The following TOM1L2 variants were observed in gnomAD, a reference collection of about 807,000 sequenced individuals.
TOM1L2 encodes TOM1-like protein 2.
TOM1L2 carries 31 observed loss-of-function variants against 67.9 expected under a neutral mutation model. The ratio of observed to expected loss-of-function variants is 0.46; its 90% CI spans 0.34 to 0.62. The LOEUF (loss-of-function observed/expected upper bound fraction) is 0.62, where lower values mean the gene tolerates loss of function less well. TOM1L2 is among the 20% of genes least tolerant of loss of function. The probability of loss-of-function intolerance (pLI) is 0.01; values close to 1 mark genes in which losing one functional copy is unlikely to be tolerated. For missense variants in TOM1L2, 606 were observed against 663.5 expected, an observed-to-expected ratio of 0.91 and a Z score of 0.95; for synonymous variants, 256 against 254.0, an observed-to-expected ratio of 1.01 and a Z score of -0.07.
chr17:17,938,766 G>GT (rs372811565), intron 1 of TOM1L2, among the ~76,000 whole-genome samples: 66,938 of 144,818 alleles, frequency 0.46, 16,032 homozygotes, highest in East Asian at 0.8. Flanking sequence ...GGTTGAAAGG[G>GT]TTTTTTTTTT....
chr17:17,945,308 TCTC>T (rs1379024148), intron 1 of TOM1L2, among the ~76,000 whole-genome samples: 2 of 151,950 alleles, frequency 1.3e-5, no homozygotes, highest in Non-Finnish European at 2.9e-5. Context: ...TCTCTCTCTC[TCTC>T]ATTCCTTGAT....
At chr17:17,902,108 G>A (rs530588771) in intron 2 of TOM1L2, among the ~76,000 whole-genome samples, 1 of 152,240 alleles carries the variant, frequency 6.6e-6, no homozygotes, top group South Asian at 2.1e-4. Context: ...CCTGGGAGGC[G>A]GTGGTTGTGG....
rs191535481 is a variant in TOM1L2 at position 17,955,001 on chromosome 17, T to C, written c.52+17261A>G. On this transcript the variant is annotated intron_variant, in intron 1 of 14. Transcript: ENST00000379504. ...CTGTTGCTCACCCTAGAGCAATGTC[T>C]TTATGTTCAAAAAGCATTTATGGAA... 4.4e-3 allele frequency among the ~76,000 whole-genome samples: 671 copies of C among 152,320 alleles called. 3 individuals carry two copies. Among genetic ancestry groups the C allele is most frequent in the Non-Finnish European group, 6.0e-3 (409 of 68,018 alleles).
chr17:17,929,184 G>A (rs145828753), intron 1 of TOM1L2, among the ~76,000 whole-genome samples: 54 of 152,334 alleles, frequency 3.5e-4, no homozygotes, highest in Middle Eastern at 3.4e-3. Flanking sequence ...GCTCAGCAGC[G>A]TCAGGCGGGG....
intron 10 of TOM1L2, among the ~76,000 whole-genome samples, chr17:17,866,090 C>G (rs1214855342): frequency 1.3e-5 from 2 of 152,028 alleles, no homozygotes; most frequent in African/African-American, 4.8e-5. Flanking sequence ...TGCTTTCCAA[C>G]ATAGATTTTA....
chr17:17,882,883 G>C lies in TOM1L2; in HGVS notation c.502-20C>G, dbSNP rs765841259. ...GACACTCTGGCATGGCAACAACAAA[G>C]TCCTCTGTTTACCTGGGCTGCCTGC... On this transcript the variant is annotated intron_variant, in intron 5 of 14. Coordinates refer to ENST00000379504, the MANE Select transcript of TOM1L2 (RefSeq NM_001082968.2). The C allele has an allele frequency of 2.5e-6, 4 of 1,613,302 alleles. No homozygotes were observed. The highest frequency in any genetic ancestry group is 8.5e-7 in the Non-Finnish European group (1 of 1,179,472).
intron 1 of TOM1L2, among the ~76,000 whole-genome samples, chr17:17,916,901 T>C (rs2039649728): frequency 6.6e-6 from 1 of 152,178 alleles, no homozygotes; most frequent in East Asian, 1.9e-4. Context: ...CTCACACCTG[T>C]AATCCCAGCA....
chr17:17,952,376 C>CTTTTTTTTTTTTTTTT lies in TOM1L2; in HGVS notation c.52+19870_52+19885dup, dbSNP rs60388742. On this transcript the variant is annotated intron_variant, in intron 1 of 14. Transcript: ENST00000379504. ...TATACAGTAAGTGCTTCTTTATTTT[C>CTTTTTTTTTTTTTTTT]TTTTTTTTTTTTTTTTTTTTTTTTT... 8.8e-5 allele frequency among the ~76,000 whole-genome samples: 7 copies of CTTTTTTTTTTTTTTTT among 79,920 alleles called. 1 individual carries two copies. Among genetic ancestry groups the CTTTTTTTTTTTTTTTT allele is most frequent in the African/African-American group, 2.2e-4 (5 of 22,824 alleles). The allele number at this position is 79,920 out of a possible 152,430, so 52.4% of individuals were successfully genotyped here. A position where few individuals can be genotyped will look rare whatever the true frequency, so the allele number is the denominator to read the frequency against.
rs779636802 is a variant in TOM1L2, at chr17:17,862,879, G to A, written c.1085-31C>T. On this transcript the variant is annotated intron_variant, in intron 10 of 14. Transcript: ENST00000379504. ...GCAACAAAACAAATGGGTGGCAGATGAGAACAAAATGTAGACTGTAGATCT... is the reference window on the plus strand; with the variant it reads ...GCAACAAAACAAATGGGTGGCAGATAAGAACAAAATGTAGACTGTAGATCT... 11 of 1,452,960 alleles carry A rather than the reference G, an allele frequency of 7.6e-6. No individual in the cohort carries two copies. In the Admixed American group the frequency reaches 9.0e-5, roughly 12 times the overall value. The allele number at this position is 1,452,960 out of a possible 1,614,324, so 90.0% of individuals were successfully genotyped here. A position where few individuals can be genotyped will look rare whatever the true frequency, so the allele number is the denominator to read the frequency against.
chr17:17,868,906 TC>T (rs1008077845), intron 8 of TOM1L2: 10 of 167,084 alleles, frequency 6.0e-5, no homozygotes, highest in African/African-American at 2.2e-4. Context: ...TTTTCTTTTT[TC>T]TTTTTTTTTA....
At position 17,869,444 on chromosome 17, in the gene TOM1L2, C is replaced by T. The variant is rs1192888194; in HGVS notation, c.807G>A (p.Gln269=). 1.9e-6 allele frequency: 3 copies of T among 1,612,238 alleles called. No individual in the cohort carries two copies. The highest frequency in any genetic ancestry group is 2.5e-6 in the Non-Finnish European group (3 of 1,179,384). The part of the protein sequence containing the change: ...QELNRTCRAM[Q]QRIVELISRV... ...GGGAGATGAGCTCCACGATGCGCTG[C>T]TGCATGGCCCGACAGGTCCTGTTGA... Residue 269 remains glutamine (Q), a synonymous_variant, in exon 8 of 15, where the codon CAG becomes CAA. Transcript: ENST00000379504.
chr17:17,936,752 C>A (rs1340389065), intron 1 of TOM1L2, among the ~76,000 whole-genome samples: 1 of 152,150 alleles, frequency 6.6e-6, no homozygotes, highest in East Asian at 1.9e-4. Flanking sequence ...ATTGTACTTA[C>A]AGCATTATCT....
At chr17:17,936,927 C>T (rs1412610552) in intron 1 of TOM1L2, among the ~76,000 whole-genome samples, 1 of 152,164 alleles carries the variant, frequency 6.6e-6, no homozygotes, top group East Asian at 1.9e-4. Context: ...CTAAGTTCAA[C>T]CTCTTTGATT....
intron 7 of TOM1L2, among the ~76,000 whole-genome samples, chr17:17,876,733 G>A (rs936139254): frequency 2.6e-5 from 4 of 152,234 alleles, no homozygotes; most frequent in African/African-American, 9.6e-5. Flanking sequence ...CAGCTCATCA[G>A]TGGGAGGGCA....
chr17:17,931,102 C>T (rs1304578309), intron 1 of TOM1L2, among the ~76,000 whole-genome samples: 2 of 152,142 alleles, frequency 1.3e-5, no homozygotes, highest in African/African-American at 2.4e-5. Context: ...TGCAGCCTCT[C>T]TTTTCCTATT....
intron 1 of TOM1L2, among the ~76,000 whole-genome samples, chr17:17,946,972 T>C (rs942389634): frequency 6.6e-6 from 1 of 152,134 alleles, no homozygotes; most frequent in African/African-American, 2.4e-5. Context: ...TGATCAGCCC[T>C]CCTCAGCCTC....
intron 1 of TOM1L2, among the ~76,000 whole-genome samples, chr17:17,953,222 G>A (rs1047012800): frequency 2.6e-5 from 4 of 152,202 alleles, no homozygotes; most frequent in African/African-American, 7.2e-5. Flanking sequence ...AGAGGTTGCA[G>A]TGAGCCGAAA....
rs75438214 is a variant in TOM1L2, at chr17:17,869,593, A to G, written c.778-120T>C. 1.9e-3 allele frequency: 2,745 copies of G among 1,422,536 alleles called. 40 individuals carry two copies. The African/African-American group carries it at 0.03, about 15-fold the overall frequency. The allele number at this position is 1,422,536 out of a possible 1,614,324, so 88.1% of individuals were successfully genotyped here. A position where few individuals can be genotyped will look rare whatever the true frequency, so the allele number is the denominator to read the frequency against. ...ACAAAAGGAGTACATGCTTGTTCAT[A>G]AAACCAGACATGTGCCGAATTCAAA... On this transcript the variant is annotated intron_variant, in intron 7 of 14. Coordinates refer to ENST00000379504, the MANE Select transcript of TOM1L2 (RefSeq NM_001082968.2).
intron 13 of TOM1L2, among the ~76,000 whole-genome samples, chr17:17,849,391 T>A (rs140921961): frequency 2.0e-5 from 3 of 152,252 alleles, no homozygotes; most frequent in Admixed American, 2.0e-4. Context: ...ACAGGGCCTG[T>A]CACTCAGTAG....
Sources: gnomAD v4.1 joint callset for allele counts (sites outside exome capture counted in the v4.1 genomes callset) on GRCh38, gnomAD v4.1.1 for gene constraint, MANE v1.5 for transcripts, NCBI Gene and HGNC (gene_info 2026-07-23, HGNC 2026-07-21) for gene names.